Variants in RTL9 observed in about 807,000 individuals in gnomAD.
RTL9 encodes retrotransposon Gag like 9, also known as retrotransposon Gag-like protein 9.
A neutral mutation model predicts 44.7 loss-of-function variants in RTL9; 19 were observed. The observed-to-expected ratio is 0.42, with a 90% CI of 0.30 to 0.62. The LOEUF (loss-of-function observed/expected upper bound fraction) is 0.62. RTL9 is among the 20% of genes least tolerant of loss of function. The pLI, the probability that RTL9 is intolerant of heterozygous loss-of-function variation, is 0.16. For missense variants in RTL9, 1,105 were observed against 1,080.6 expected (o/e 1.02, Z -0.32); for synonymous variants, 407 against 398.9 (o/e 1.02, Z -0.24).
intron 1 of RTL9, among the ~76,000 whole-genome samples, chrX:110,425,034 A>G (rs778686172): frequency 4.5e-5 from 5 of 111,847 alleles, no homozygotes; most frequent in African/African-American, 1.6e-4. Flanking sequence ...CTCTTCAGTG[A>G]CCAGTTGTTT....
chrX:110,379,265 T>A (rs774600619), intron 1 of RTL9, among the ~76,000 whole-genome samples: 4 of 112,537 alleles, frequency 3.6e-5, no homozygotes, highest in Non-Finnish European at 7.5e-5. Context: ...GGTGAGATTC[T>A]GATTTTCATC....
At chrX:110,435,806 G>T (rs2068835059) in intron 1 of RTL9, among the ~76,000 whole-genome samples, 1 of 112,184 alleles carries the variant, frequency 8.9e-6, no homozygotes, top group Non-Finnish European at 1.9e-5. Flanking sequence ...ATATATATGT[G>T]TAATATTTAT....
chrX:110,424,390 A>G (rs551636768), intron 1 of RTL9, among the ~76,000 whole-genome samples: 1 of 111,260 alleles, frequency 9.0e-6, no homozygotes, highest in Admixed American at 9.6e-5. Flanking sequence ...TTTTTCCAGC[A>G]CTCCTAGGTG....
chrX:110,442,896 C>T (rs1361233657), intron 1 of RTL9, among the ~76,000 whole-genome samples: 1 of 111,829 alleles, frequency 8.9e-6, no homozygotes, highest in Non-Finnish European at 1.9e-5. Flanking sequence ...TATGAAGGAA[C>T]CTGGGATGAG....
Position 110,394,518 on chromosome X carries a change from A to G in RTL9, c.-168+35602A>G, listed in dbSNP as rs1021737434. Among the ~76,000 whole-genome samples the G allele has an allele frequency of 4.4e-5, 5 of 112,770 alleles. No homozygotes were observed. The Admixed American group carries it at 4.7e-4, about 11-fold the overall frequency. ...TGGTGATATTTTTGTGACCAGAAAT[A>G]TGCTGTGGGTACTTAACTCTTGTTT... On this transcript the variant is annotated intron_variant, in intron 1 of 2. Transcript: ENST00000520821.
chrX:110,439,954 T>C (rs1359811053), intron 1 of RTL9: 1 of 110,684 alleles, frequency 9.0e-6, no homozygotes, highest in Non-Finnish European at 1.9e-5. Context: ...GCCGAGTCAG[T>C]TGCATCAGAT....
chrX:110,370,310 G>A (rs1030291899), intron 1 of RTL9, among the ~76,000 whole-genome samples: 2 of 111,815 alleles, frequency 1.8e-5, no homozygotes, highest in East Asian at 2.8e-4. Flanking sequence ...CCAGGTTCAA[G>A]CAATTGTCCT....
chrX:110,403,955 A>C (rs2068581317), intron 1 of RTL9, among the ~76,000 whole-genome samples: 1 of 112,232 alleles, frequency 8.9e-6, no homozygotes, highest in African/African-American at 3.2e-5. Context: ...TCTGTTTGGC[A>C]TGTCTCCCTC....
chrX:110,370,273 A>C (rs993394963), intron 1 of RTL9, among the ~76,000 whole-genome samples: 14 of 112,049 alleles, frequency 1.2e-4, no homozygotes, highest in South Asian at 7.6e-4. Flanking sequence ...CAATGGCACA[A>C]TATTGGTTCA....
chrX:110,365,859 T>A (rs1267891093), intron 1 of RTL9, among the ~76,000 whole-genome samples: 1 of 111,993 alleles, frequency 8.9e-6, no homozygotes, highest in Non-Finnish European at 1.9e-5. Context: ...AAGGAAGTGG[T>A]TAGTAAATAT....
At chrX:110,444,930 C>G (rs1374059153) in intron 1 of RTL9, among the ~76,000 whole-genome samples, 1 of 112,610 alleles carries the variant, frequency 8.9e-6, no homozygotes, top group Non-Finnish European at 1.9e-5. Flanking sequence ...TGGTATCCCT[C>G]CTGTTCTCTC....
At chrX:110,414,430 G>A (rs1415119322), upstream of RTL9, among the ~76,000 whole-genome samples, 2 of 112,666 alleles carry the variant, frequency 1.8e-5, no homozygotes, top group East Asian at 5.6e-4. Flanking sequence ...TGAGGGGAAA[G>A]GGGAAGTGAT....
intron 1 of RTL9, among the ~76,000 whole-genome samples, chrX:110,375,019 A>G (rs1378617435): frequency 9.0e-6 from 1 of 111,686 alleles, no homozygotes; most frequent in African/African-American, 3.3e-5. Context: ...GGCTGGGTGA[A>G]GTAATGCAGG....
chrX:110,385,810 C>G (rs919294321), intron 1 of RTL9, among the ~76,000 whole-genome samples: 7 of 111,191 alleles, frequency 6.3e-5, no homozygotes, highest in Non-Finnish European at 1.3e-4. Context: ...CGGGCCTTGT[C>G]CACCTCCCTT....
chrX:110,401,252 G>C (rs751578957), intron 1 of RTL9, among the ~76,000 whole-genome samples: 1 of 111,166 alleles, frequency 9.0e-6, no homozygotes, highest in Non-Finnish European at 1.9e-5. Flanking sequence ...ATGGTGAGCA[G>C]AGTCAGCTCT....
chrX:110,360,273 C>A (rs2068254798), intron 1 of RTL9, among the ~76,000 whole-genome samples: 1 of 111,723 alleles, frequency 9.0e-6, no homozygotes, highest in Non-Finnish European at 1.9e-5. Flanking sequence ...TAGTAGATAC[C>A]ATTGGAAAGA....
chrX:110,453,355 C>A (rs751222375), exon 1 of RTL9: 1 of 1,210,474 alleles, frequency 8.3e-7, no homozygotes, highest in African/African-American at 1.7e-5. Context: ...ATGTCCACAC[C>A]ACTAAGGAGA....
chrX:110,447,111 C>CTT (rs1181988453), upstream of RTL9, among the ~76,000 whole-genome samples: 26 of 36,830 alleles, frequency 7.1e-4, 2 homozygotes, highest in East Asian at 9.7e-3. Context: ...TATTCTGTGA[C>CTT]TTTTTTTTTT....
upstream of RTL9, among the ~76,000 whole-genome samples, chrX:110,448,380 C>G (rs776083503): frequency 9.1e-6 from 1 of 110,494 alleles, no homozygotes; most frequent in Non-Finnish European, 1.9e-5. Flanking sequence ...TGTGTCTGTT[C>G]AACTGCAGAG....
Sources: gnomAD v4.1 joint callset for allele counts (sites outside exome capture counted in the v4.1 genomes callset) on GRCh38, gnomAD v4.1.1 for gene constraint, MANE v1.5 for transcripts, NCBI Gene and HGNC (gene_info 2026-07-23, HGNC 2026-07-21) for gene names.